The following PCDH19 variants were observed in gnomAD, a reference collection of about 807,000 sequenced individuals.
The protein encoded by PCDH19 is protocadherin 19.
A neutral mutation model predicts 46.2 loss-of-function variants in PCDH19; 6 were observed. The observed-to-expected ratio is 0.13, with a 90% CI of 0.07 to 0.26. The LOEUF is 0.26. Among genes scored for constraint, PCDH19 ranks in the 10% least tolerant of loss-of-function variants. The pLI is 1.00. For missense variants in PCDH19, 740 were observed against 972.3 expected (o/e 0.76, Z 3.18); for synonymous variants, 481 against 415.7 (o/e 1.16, Z -1.91).
intron 5 of PCDH19, among the ~76,000 whole-genome samples, chrX:100,339,312 G>A (rs1926186309): frequency 9.0e-6 from 1 of 111,581 alleles, no homozygotes; most frequent in African/African-American, 3.3e-5. Context: ...TCTCCTCAAG[G>A]AATTCTTGAG....
At chrX:100,374,422 C>G (rs1483545354) in intron 3 of PCDH19, among the ~76,000 whole-genome samples, 1 of 111,695 alleles carries the variant, frequency 9.0e-6, no homozygotes, top group Non-Finnish European at 1.9e-5. Context: ...AGAATGTTTG[C>G]CATTATGCTA....
At chrX:100,356,674 C>A (rs923617114) in intron 3 of PCDH19, among the ~76,000 whole-genome samples, 3 of 111,059 alleles carry the variant, frequency 2.7e-5, no homozygotes, top group Non-Finnish European at 5.7e-5. Context: ...CATATTTGCC[C>A]TGAACTAGAA....
rs774811648 is a variant in PCDH19, at chrX:100,294,753, T to A, written c.*1524A>T. 1.8e-5 allele frequency: 2 copies of A among 111,609 alleles called. No homozygotes were observed. The highest frequency in any genetic ancestry group is 7.7e-4 in the South Asian group (2 of 2,608). The allele number at this position is 111,609 out of a possible 1,213,427, so 9.2% of individuals were successfully genotyped here. On this transcript the variant is annotated 3_prime_UTR_variant, in exon 6 of 6. Coordinates refer to ENST00000373034, the MANE Select transcript of PCDH19 (RefSeq NM_001184880.2). ...TTTAGTTTATTTTTAAATAATGAAC[T>A]CTTAGGCTGCAAAAATACTATGTTG...
At chrX:100,383,515 C>A (rs1927620219) in intron 3 of PCDH19, among the ~76,000 whole-genome samples, 1 of 112,071 alleles carries the variant, frequency 8.9e-6, no homozygotes, top group South Asian at 3.7e-4. Context: ...ACAGTGAAAC[C>A]ATTAAATAGC....
intron 5 of PCDH19, among the ~76,000 whole-genome samples, chrX:100,305,749 C>A (rs1159167210): frequency 2.7e-5 from 3 of 111,395 alleles, no homozygotes; most frequent in Non-Finnish European, 5.7e-5. Context: ...AAATGGACAC[C>A]AAAAGCGAGC....
At chrX:100,328,513 C>G (rs1234436753) in intron 5 of PCDH19, among the ~76,000 whole-genome samples, 1 of 111,354 alleles carries the variant, frequency 9.0e-6, no homozygotes, top group African/African-American at 3.3e-5. Flanking sequence ...TCATCATCCC[C>G]CAGAAAGGAA....
intron 5 of PCDH19, among the ~76,000 whole-genome samples, chrX:100,303,695 C>T (rs1160587223): frequency 8.9e-6 from 1 of 112,172 alleles, no homozygotes; most frequent in African/African-American, 3.2e-5. Flanking sequence ...TCACAAATTA[C>T]ACTACAAACA....
intron 3 of PCDH19, among the ~76,000 whole-genome samples, chrX:100,401,445 G>A (rs1762874224): frequency 9.0e-6 from 1 of 111,605 alleles, no homozygotes; most frequent in Non-Finnish European, 1.9e-5. Flanking sequence ...CTGCAGTCAG[G>A]AGTTTGAGAC....
chrX:100,309,716 A>T (rs566698829), intron 5 of PCDH19, among the ~76,000 whole-genome samples: 1 of 111,012 alleles, frequency 9.0e-6, no homozygotes, highest in East Asian at 2.9e-4. Flanking sequence ...AAGGATGGGG[A>T]TGGGGTGTGG....
In PCDH19 at chrX:100,406,570, G is replaced by T; in HGVS notation, c.2028C>A (p.Asn676Lys). The change falls in exon 1 of 6, where the codon AAC becomes AAA. Residue 676 changes from asparagine (N) to lysine (K), a missense_variant. By Grantham distance (94) the Asn-to-Lys change is moderately conservative. Coordinates refer to ENST00000373034, the MANE Select transcript of PCDH19 (RefSeq NM_001184880.2). ...LDAQESMGSVNLSLIFIIALG... is the reference protein window; with the variant it reads ...LDAQESMGSVKLSLIFIIALG... ...GGGCAATAATGAAAATCAAGGACAA[G>T]TTCACAGAGCCCATTGACTCTTGGG... The T allele has an allele frequency of 3.3e-6, 4 of 1,210,339 alleles. No homozygotes were observed. The highest frequency in any genetic ancestry group is 4.5e-6 in the Non-Finnish European group (4 of 894,442).
At chrX:100,351,084 A>G (rs1417824414) in intron 3 of PCDH19, among the ~76,000 whole-genome samples, 2 of 113,197 alleles carry the variant, frequency 1.8e-5, no homozygotes, top group African/African-American at 6.4e-5. Context: ...TTTTATTAGT[A>G]GTAGATAATT....
At chrX:100,367,659 A>C (rs1927104845) in intron 3 of PCDH19, among the ~76,000 whole-genome samples, 1 of 111,609 alleles carries the variant, frequency 9.0e-6, no homozygotes, top group Admixed American at 9.5e-5. Context: ...TCCCATTCAT[A>C]AGGGTGGAAC....
At chrX:100,331,888 G>C (rs1021891495) in intron 5 of PCDH19, among the ~76,000 whole-genome samples, 1 of 111,846 alleles carries the variant, frequency 8.9e-6, no homozygotes, top group Non-Finnish European at 1.9e-5. Flanking sequence ...ACCCAGTCTC[G>C]GGCATTTCTT....
chrX:100,384,916 C>A (rs566948466), intron 3 of PCDH19, among the ~76,000 whole-genome samples: 1 of 110,962 alleles, frequency 9.0e-6, no homozygotes, highest in African/African-American at 3.3e-5. Context: ...CCCAGCTCTT[C>A]GGAAGGTGGA....
intron 3 of PCDH19, among the ~76,000 whole-genome samples, chrX:100,367,197 T>G (rs1927089111): frequency 8.9e-6 from 1 of 112,346 alleles, no homozygotes; most frequent in African/African-American, 3.2e-5. Context: ...TGAAATAATT[T>G]AATTCAATTC....
chrX:100,397,382 G>C (rs1211847968), intron 3 of PCDH19, among the ~76,000 whole-genome samples: 1 of 112,007 alleles, frequency 8.9e-6, no homozygotes, highest in Admixed American at 9.5e-5. Flanking sequence ...GAAGACTGTT[G>C]CATGAGTGGC....
chrX:100,400,189 G>A (rs1383452760), intron 3 of PCDH19, among the ~76,000 whole-genome samples: 3 of 111,860 alleles, frequency 2.7e-5, no homozygotes, highest in South Asian at 3.7e-4. Flanking sequence ...ATCAATATGA[G>A]TAGTATGGCC....
In PCDH19 at chrX:100,407,524, G is replaced by A; in HGVS notation, c.1074C>T (p.Val358=). The change falls in exon 1 of 6, where the codon GTC becomes GTT. Residue 358 remains valine (V), a synonymous_variant. Coordinates refer to ENST00000373034, the MANE Select transcript of PCDH19 (RefSeq NM_001184880.2). ...LLSVNSELVE[V]SESAPPGYVI... is the part of the protein sequence containing the mutation. ...CGTAGCCCGGGGGGGCGCTCTCGCT[G>A]ACCTCCACAAGCTCACTGTTGACTG... The A allele has an allele frequency of 2.5e-6, 3 of 1,211,426 alleles. No individual in the cohort carries two copies. The highest frequency in any genetic ancestry group is 3.3e-6 in the Non-Finnish European group (3 of 895,583).
chrX:100,335,918 G>C (rs1471839321), intron 5 of PCDH19, among the ~76,000 whole-genome samples: 2 of 111,646 alleles, frequency 1.8e-5, no homozygotes, highest in African/African-American at 6.5e-5. Flanking sequence ...AATTTCACTA[G>C]GTATATTTGC....
Sources: gnomAD v4.1 joint callset for allele counts (sites outside exome capture counted in the v4.1 genomes callset) on GRCh38, gnomAD v4.1.1 for gene constraint, MANE v1.5 for transcripts, NCBI Gene and HGNC (gene_info 2026-07-23, HGNC 2026-07-21) for gene names.